The following DGUOK variants were observed in gnomAD, a reference collection of about 807,000 sequenced individuals.
DGUOK encodes deoxyguanosine kinase, mitochondrial.
DGUOK carries 30 observed loss-of-function variants against 36.6 expected under a neutral mutation model. The observed-to-expected ratio is 0.82, with a 90% CI of 0.61 to 1.11. DGUOK has a LOEUF of 1.11. DGUOK is among the 50% of genes most tolerant of loss of function. DGUOK has a pLI of 0.00. For missense variants in DGUOK, 361 were observed against 336.4 expected (o/e 1.07, Z -0.57); for synonymous variants, 145 against 126.3 (o/e 1.15, Z -0.99).
chr2:73,954,082 C>T (rs2104982456), intron 4 of DGUOK, among the ~76,000 whole-genome samples: 1 of 152,244 alleles, frequency 6.6e-6, no homozygotes, highest in South Asian at 2.1e-4. Context: ...TGGCTCATGC[C>T]TGCAATGCCA....
intron 1 of DGUOK, among the ~76,000 whole-genome samples, chr2:73,936,195 G>A (rs142645000): frequency 1.3e-5 from 2 of 152,132 alleles, no homozygotes; most frequent in Non-Finnish European, 1.5e-5. Flanking sequence ...TATTTTAAGC[G>A]AGGGCTTACT....
In DGUOK at chr2:73,927,025, C is replaced by G. The variant is rs770951285; in HGVS notation, c.115C>G (p.Arg39Gly). ...AGGCCTGCACGCGGGGCGCGGGCCCCGAAGGCTCTCCATCGAAGGCAACAT... is the reference window on the plus strand; with the variant it reads ...AGGCCTGCACGCGGGGCGCGGGCCCGGAAGGCTCTCCATCGAAGGCAACAT... ...SRGLHAGRGP[R>G]RLSIEGNIAV... is the part of the protein sequence containing the mutation. The change falls in exon 1 of 7, where the codon CGA becomes GGA. Residue 39 changes from arginine (R) to glycine (G), a missense_variant. Transcript: ENST00000264093. The G allele has an allele frequency of 6.2e-6, 10 of 1,610,468 alleles. No homozygotes were observed. In the Admixed American group the frequency reaches 1.5e-4, roughly 24 times the overall value.
chr2:73,943,416 A>G (rs1209457302), intron 2 of DGUOK, among the ~76,000 whole-genome samples: 1 of 148,520 alleles, frequency 6.7e-6, no homozygotes. Flanking sequence ...TCCACCTCGG[A>G]CTCCCAAGGT....
intron 1 of DGUOK, among the ~76,000 whole-genome samples, chr2:73,937,997 A>G (rs1681596849): frequency 2.0e-5 from 3 of 152,074 alleles, no homozygotes; most frequent in Non-Finnish European, 4.4e-5. Flanking sequence ...ACCAATCTTC[A>G]CTAACTTCCC....
intron 4 of DGUOK, among the ~76,000 whole-genome samples, chr2:73,951,709 A>T (rs1682718250): frequency 6.6e-6 from 1 of 152,180 alleles, no homozygotes; most frequent in Non-Finnish European, 1.5e-5. Flanking sequence ...GACTGGAAGG[A>T]AGGGTCTTGC....
At chr2:73,934,164 A>G (rs1484632251) in intron 1 of DGUOK, among the ~76,000 whole-genome samples, 1 of 152,210 alleles carries the variant, frequency 6.6e-6, no homozygotes, top group Non-Finnish European at 1.5e-5. Context: ...TTAGCATTAC[A>G]TAGCTATGGT....
At chr2:73,932,336 G>A (rs1036994555) in intron 1 of DGUOK, among the ~76,000 whole-genome samples, 4 of 152,128 alleles carry the variant, frequency 2.6e-5, no homozygotes, top group African/African-American at 9.7e-5. Flanking sequence ...ATAACATTTT[G>A]TACCCACAAC....
At chr2:73,958,331 A>G in intron 6 of DGUOK, 86 bp downstream of exon 6, 2 of 1,031,170 alleles carry the variant, frequency 1.9e-6, no homozygotes, top group East Asian at 2.4e-5. Context: ...GTTCAATATC[A>G]TGGGTCTTGT....
At chr2:73,952,494 T>G (rs1682770570) in intron 4 of DGUOK, among the ~76,000 whole-genome samples, 1 of 151,684 alleles carries the variant, frequency 6.6e-6, no homozygotes, top group Non-Finnish European at 1.5e-5. Context: ...CAAAGAGGAG[T>G]GAGAGTGCTG....
chr2:73,956,984 A>C, intron 4 of DGUOK, 141 bp from the exon 5 acceptor site: 2 of 566,482 alleles, frequency 3.5e-6, no homozygotes, highest in South Asian at 2.2e-5. Flanking sequence ...TGATTGCATA[A>C]GAAAACAAGA....
Position 73,958,252 on chromosome 2 carries a change from A to C in DGUOK, c.807+7A>C, listed in dbSNP as rs775125640. Reference sequence around the variant, plus strand: ...AGAAGACCTCATGAGAGAGGTGGGAAGGACTTTAACTCCTGTTTTCTGGTG... The same window carrying C: ...AGAAGACCTCATGAGAGAGGTGGGACGGACTTTAACTCCTGTTTTCTGGTG... On this transcript the variant is annotated splice_region_variant and intron_variant, in intron 6 of 6. Coordinates refer to ENST00000264093, the MANE Select transcript of DGUOK (RefSeq NM_080916.3). 1.2e-6 allele frequency: 2 copies of C among 1,607,358 alleles called. No individual in the cohort carries two copies. The highest frequency in any genetic ancestry group is 2.7e-5 in the African/African-American group (2 of 74,798).
chr2:73,951,221 G>C (rs537179718), intron 4 of DGUOK, among the ~76,000 whole-genome samples: 2 of 152,270 alleles, frequency 1.3e-5, no homozygotes, highest in South Asian at 4.2e-4. Context: ...GACTATAGCA[G>C]TTCCATTCTG....
chr2:73,927,602 C>T (rs1442352557), intron 1 of DGUOK, among the ~76,000 whole-genome samples: 2 of 152,232 alleles, frequency 1.3e-5, no homozygotes, highest in African/African-American at 4.8e-5. Flanking sequence ...TCAAATACCA[C>T]ATTCACAATT....
At chr2:73,936,589 A>G (rs535554590) in intron 1 of DGUOK, among the ~76,000 whole-genome samples, 14 of 152,350 alleles carry the variant, frequency 9.2e-5, no homozygotes, top group Admixed American at 2.6e-4. Flanking sequence ...CCAATCAGTA[A>G]CCATAAGTGG....
intron 4 of DGUOK, among the ~76,000 whole-genome samples, chr2:73,952,859 C>G (rs1056323161): frequency 6.6e-6 from 1 of 152,064 alleles, no homozygotes; most frequent in Non-Finnish European, 1.5e-5. Context: ...CTCTGAATGA[C>G]CTTATAACAG....
At chr2:73,935,164 C>T (rs1360728469) in intron 1 of DGUOK, among the ~76,000 whole-genome samples, 1 of 152,064 alleles carries the variant, frequency 6.6e-6, no homozygotes, top group Non-Finnish European at 1.5e-5. Context: ...TCACCTGAGC[C>T]CAGGAGGCAG....
chr2:73,940,989 G>A (rs1477224824), intron 2 of DGUOK, among the ~76,000 whole-genome samples: 2 of 152,196 alleles, frequency 1.3e-5, no homozygotes, highest in Non-Finnish European at 1.5e-5. Flanking sequence ...GAAGTAGAGC[G>A]TAATTCTTGC....
chr2:73,944,165 T>G (rs1329076262), intron 2 of DGUOK, among the ~76,000 whole-genome samples: 1 of 152,164 alleles, frequency 6.6e-6, no homozygotes, highest in Non-Finnish European at 1.5e-5. Context: ...ACTACAGGCA[T>G]GCACCACTAT....
intron 1 of DGUOK, among the ~76,000 whole-genome samples, chr2:73,932,834 T>C (rs533931685): frequency 6.6e-6 from 1 of 152,316 alleles, no homozygotes; most frequent in African/African-American, 2.4e-5. Context: ...ATAAGATGTG[T>C]GATTGAAAGT....
Sources: gnomAD v4.1 joint callset for allele counts (sites outside exome capture counted in the v4.1 genomes callset) on GRCh38, gnomAD v4.1.1 for gene constraint, MANE v1.5 for transcripts, NCBI Gene and HGNC (gene_info 2026-07-23, HGNC 2026-07-21) for gene names.